The following SCN4B variants were observed in gnomAD, a reference collection of about 807,000 sequenced individuals.
SCN4B encodes the protein sodium channel regulatory subunit beta-4.
A neutral mutation model predicts 19.6 loss-of-function variants in SCN4B; 20 were observed. The observed-to-expected ratio is 1.02, with a 90% CI of 0.72 to 1.48. The LOEUF is 1.48. Ranked by LOEUF, SCN4B falls within the 40% of genes most tolerant of loss-of-function variation. The pLI, the probability that SCN4B is intolerant of heterozygous loss-of-function variation, is 0.00. For synonymous variants in SCN4B, 127 were observed against 122.8 expected, an observed-to-expected ratio of 1.03 and a Z score of -0.22; for missense variants, 271 against 287.5, an observed-to-expected ratio of 0.94 and a Z score of 0.42.
chr11:118,145,544 G>T (rs1948161608), intron 1 of SCN4B: 2 of 1,173,834 alleles, frequency 1.7e-6, no homozygotes, highest in Non-Finnish European at 2.2e-6. Flanking sequence ...CCCCGGCTCC[G>T]CCCCTCACCT....
rs371528627 is a variant in SCN4B at position 118,152,711 on chromosome 11, A to T, written c.-38T>A. On this transcript the variant is annotated 5_prime_UTR_variant, in exon 1 of 5. Coordinates refer to ENST00000324727, the MANE Select transcript of SCN4B (RefSeq NM_174934.4). ...TCCGGAGCGCGCGGGGGTCGCGGGG[A>T]TGGGATACTGGGCACAGCCGCGCTC... 6.5e-7 allele frequency: 1 copy of T among 1,548,822 alleles called. No individual in the cohort carries two copies. The highest frequency in any genetic ancestry group is 1.1e-5 in the South Asian group (1 of 87,180).
chr11:118,145,498 A>C, intron 1 of SCN4B: 2 of 1,357,958 alleles, frequency 1.5e-6, no homozygotes, highest in East Asian at 3.6e-5. Context: ...ACCCCAACCC[A>C]AGGAAACAAA....
chr11:118,144,547 A>C (rs557225023), intron 2 of SCN4B, among the ~76,000 whole-genome samples: 1 of 152,140 alleles, frequency 6.6e-6, no homozygotes, highest in Non-Finnish European at 1.5e-5. Flanking sequence ...TTCCCTGTGA[A>C]AGTCTCAGGT....
Position 118,134,337 on chromosome 11 carries a change from T to C in SCN4B, c.*2690A>G. On this transcript the variant is annotated 3_prime_UTR_variant, in exon 5 of 5. Coordinates refer to ENST00000324727, the MANE Select transcript of SCN4B (RefSeq NM_174934.4). The stretch of plus-strand genomic sequence containing the variant: ...AAGATCGACTTTGTAAGTGGCTCTC[T>C]CTAGCCCACAAGCCCTGGAAGCCAC... The C allele has an allele frequency of 2.2e-6, 1 of 453,992 alleles. No homozygotes were observed. Among genetic ancestry groups the C allele is most frequent in the Non-Finnish European group, 4.4e-6 (1 of 226,782 alleles). The allele number at this position is 453,992 out of a possible 1,614,324, so 28.1% of individuals were successfully genotyped here.
Position 118,141,309 on chromosome 11 carries a change from A to AGT in SCN4B, c.489_490dup (p.Leu164HisfsTer20). On this transcript the variant is annotated frameshift_variant, in exon 4 of 5. Coordinates refer to ENST00000324727, the MANE Select transcript of SCN4B (RefSeq NM_174934.4). LOFTEE classifies it high-confidence loss of function. ...CCCGCCCACGACAGCCAGGATGATG[A>AGT]GTGTCACTGTGTTGTCCACTTCTTC... 1 of 1,612,396 alleles carries AGT rather than the reference A, an allele frequency of 6.2e-7. No individual in the cohort carries two copies. The highest frequency in any genetic ancestry group is 1.1e-5 in the South Asian group (1 of 90,990).
In SCN4B at chr11:118,133,565, T is replaced by C; in HGVS notation, c.*3462A>G. 2.2e-6 allele frequency: 1 copy of C among 454,486 alleles called. No individual in the cohort carries two copies. Among genetic ancestry groups the C allele is most frequent in the Non-Finnish European group, 4.4e-6 (1 of 226,790 alleles). The allele number at this position is 454,486 out of a possible 1,614,324, so 28.2% of individuals were successfully genotyped here. Reference sequence around the variant, plus strand: ...AGGCCTCCCAAGGCCTGTTGTTGCATCATTTGATCTATAGTTACATAGGAA... The same window carrying C: ...AGGCCTCCCAAGGCCTGTTGTTGCACCATTTGATCTATAGTTACATAGGAA... On this transcript the variant is annotated 3_prime_UTR_variant, in exon 5 of 5. Transcript: ENST00000324727.
At position 118,144,052 on chromosome 11, in the gene SCN4B, C is replaced by G. The variant is rs1472199167; in HGVS notation, c.244G>C (p.Gly82Arg). Residue 82 changes from glycine (G) to arginine (R), a missense_variant, in exon 3 of 5, where the codon GGG (glycine) becomes CGG (arginine). Physicochemically the swap from Gly to Arg is moderately radical, Grantham distance 125. Transcript: ENST00000324727. ...SSDAFKILIE[G>R]TVKNEKSDPK... is the part of the protein sequence containing the mutation. ...TCAGACTTCTCATTCTTCACAGTCC[C>G]CTCTATGAGCTGGTGGAGGAAGGGA... 6.2e-7 allele frequency: 1 copy of G among 1,610,760 alleles called. No homozygotes were observed. Among genetic ancestry groups the G allele is most frequent in the Admixed American group, 1.7e-5 (1 of 60,022 alleles).
intron 1 of SCN4B, among the ~76,000 whole-genome samples, chr11:118,151,644 T>C (rs1948233682): frequency 1.3e-5 from 2 of 152,244 alleles, no homozygotes; most frequent in South Asian, 2.1e-4. Flanking sequence ...TCTGTCTCCC[T>C]GTTTTCAGCA....
chr11:118,137,216 C>A (rs1948028244), intron 4 of SCN4B, 96 bp from the exon 5 acceptor site: 1 of 885,230 alleles, frequency 1.1e-6, no homozygotes. Context: ...CAGCCCTGTG[C>A]CTCTCCCTGG....
chr11:118,147,533 C>T (rs955627074), intron 1 of SCN4B, among the ~76,000 whole-genome samples: 1 of 152,190 alleles, frequency 6.6e-6, no homozygotes, highest in Admixed American at 6.5e-5. Flanking sequence ...GCTATCAGGG[C>T]TTAGCACTCC....
At chr11:118,137,390 G>A (rs1013925300) in intron 4 of SCN4B, among the ~76,000 whole-genome samples, 2 of 152,182 alleles carry the variant, frequency 1.3e-5, no homozygotes, top group Non-Finnish European at 2.9e-5. Context: ...TTCTCAACTG[G>A]CCAGGTGCGG....
intron 1 of SCN4B, among the ~76,000 whole-genome samples, chr11:118,149,259 C>T (rs1358548830): frequency 6.6e-6 from 1 of 152,236 alleles, no homozygotes; most frequent in Admixed American, 6.5e-5. Flanking sequence ...GGATCACTCA[C>T]AGCCACCCCA....
intron 1 of SCN4B, among the ~76,000 whole-genome samples, chr11:118,147,835 A>G (rs574334024): frequency 6.6e-6 from 1 of 152,356 alleles, no homozygotes; most frequent in African/African-American, 2.4e-5. Flanking sequence ...ATACCGGTCC[A>G]GGAATCAGGG....
intron 1 of SCN4B, chr11:118,145,533 G>C (rs939863545): frequency 8.1e-7 from 1 of 1,234,594 alleles, no homozygotes; most frequent in African/African-American, 1.5e-5. Flanking sequence ...CGCGAACCGC[G>C]CCCCGGCTCC....
chr11:118,151,061 G>A (rs528723318), intron 1 of SCN4B, among the ~76,000 whole-genome samples: 1 of 152,226 alleles, frequency 6.6e-6, no homozygotes, highest in African/African-American at 2.4e-5. Context: ...CCTTGGAGAA[G>A]GTGGGGCTTC....
At chr11:118,144,086 G>T in intron 2 of SCN4B, 25 bp from the exon 3 acceptor site, 1 of 1,520,206 alleles carries the variant, frequency 6.6e-7, no homozygotes, top group Non-Finnish European at 9.1e-7. Context: ...GAGTTGGGGT[G>T]AGAAAGTAGC....
chr11:118,140,545 C>T (rs1948082164), intron 4 of SCN4B, among the ~76,000 whole-genome samples: 1 of 152,228 alleles, frequency 6.6e-6, no homozygotes, highest in Admixed American at 6.5e-5. Flanking sequence ...CTTTTCCCTG[C>T]TCTAGTTTTG....
chr11:118,151,893 G>A (rs583490), intron 1 of SCN4B, among the ~76,000 whole-genome samples: 63,236 of 152,094 alleles, frequency 0.42, 13,228 homozygotes, highest in African/African-American at 0.45. Flanking sequence ...TTCTTCCTCC[G>A]TGTCCTCTGG....
In SCN4B at chr11:118,145,136, G is replaced by C. The variant is rs766682803; in HGVS notation, c.155C>G (p.Pro52Arg). 8 of 1,614,034 alleles carry C rather than the reference G, an allele frequency of 5.0e-6. No individual in the cohort carries two copies. The highest frequency in any genetic ancestry group is 5.9e-6 in the Non-Finnish European group (7 of 1,180,032). ...YAVNGTEILL[P>R]CTFSSCFGFE... The stretch of plus-strand genomic sequence containing the variant: ...GCCAAAGCAGCTGGAGAAGGTGCAG[G>C]GCAGCAGGATCTCCGTGCCATTGAC... Residue 52 changes from proline (P) to arginine (R), a missense_variant, in exon 2 of 5, where the codon CCC becomes CGC. Pro to Arg is a moderately radical substitution (Grantham distance 103). Transcript: ENST00000324727.
Sources: allele counts gnomAD v4.1 joint callset (sites outside exome capture counted in the v4.1 genomes callset), GRCh38; gene constraint gnomAD v4.1.1; transcripts MANE v1.5; gene names NCBI Gene and HGNC (gene_info 2026-07-23, HGNC 2026-07-21).